KIF16B: variants seen among roughly 807,000 people sequenced by gnomAD.
KIF16B encodes the protein kinesin-like protein KIF16B.
Under a neutral mutation model 156.3 loss-of-function variants are expected in KIF16B, and 98 were observed. The ratio of observed to expected loss-of-function variants is 0.63; its 90% CI spans 0.53 to 0.74. KIF16B has a LOEUF of 0.74. KIF16B is among the 30% of genes least tolerant of loss of function. The pLI is 0.00. For synonymous variants in KIF16B, 564 were observed against 583.7 expected (o/e 0.97, Z 0.49); for missense variants, 1,421 against 1,606.5 (o/e 0.88, Z 1.97).
rs181743010 is a variant in KIF16B at position 16,273,388 on chromosome 20, G to T, written c.3819C>A (p.Ser1273Arg). The T allele has an allele frequency of 1.2e-6, 2 of 1,613,948 alleles. No homozygotes were observed. The highest frequency in any genetic ancestry group is 4.5e-5 in the East Asian group (2 of 44,878). ...HLEKYLRDFF[S>R]VMLQSATSPL... ...GAGATGTTGCGGACTGGAGCATCAC[G>T]CTGAAAAAGTCCCTGAGGTATTTCT... The change falls in exon 26 of 26, where the codon AGC becomes AGA. Residue 1273 changes from serine (S) to arginine (R), a missense_variant. By Grantham distance (110) the Ser-to-Arg change is moderately radical. Transcript: ENST00000354981.
At chr20:16,558,405 C>T (rs1202642417) in intron 1 of KIF16B, among the ~76,000 whole-genome samples, 2 of 152,206 alleles carry the variant, frequency 1.3e-5, no homozygotes, top group South Asian at 4.1e-4. Flanking sequence ...CTCTCCCACA[C>T]CAAAGCAGCC....
rs138842582 is a variant in KIF16B at position 16,557,325 on chromosome 20, G to A, written c.47+15904C>T. ...TCTCCAACTAGCTGAGATTACAGGC[G>A]CCTGCTACTACGCCCGGCTAATTTT... On this transcript the variant is annotated intron_variant, in intron 1 of 25. Coordinates refer to ENST00000354981, the MANE Select transcript of KIF16B (RefSeq NM_024704.5). Among the ~76,000 whole-genome samples, 226 of 151,948 alleles carry A rather than the reference G, an allele frequency of 1.5e-3. 5 individuals carry two copies. The South Asian group carries it at 0.031, about 21-fold the overall frequency.
chr20:16,297,141 G>A (rs945957205), intron 25 of KIF16B, among the ~76,000 whole-genome samples: 22 of 152,136 alleles, frequency 1.4e-4, no homozygotes, highest in African/African-American at 5.1e-4. Flanking sequence ...CTACACCATC[G>A]GCTTTCCTGG....
intron 12 of KIF16B, among the ~76,000 whole-genome samples, chr20:16,446,108 A>G (rs1304623673): frequency 6.6e-6 from 1 of 152,226 alleles, no homozygotes; most frequent in African/African-American, 2.4e-5. Flanking sequence ...AAAAAGTGTA[A>G]GAGCCAGAAA....
chr20:16,276,356 G>T (rs761632593), intron 25 of KIF16B, among the ~76,000 whole-genome samples: 5 of 152,192 alleles, frequency 3.3e-5, no homozygotes, highest in Non-Finnish European at 7.3e-5. Flanking sequence ...CATAAGAAGA[G>T]AACAATACAA....
At chr20:16,431,729 C>A (rs2066505060) in intron 12 of KIF16B, among the ~76,000 whole-genome samples, 1 of 151,910 alleles carries the variant, frequency 6.6e-6, no homozygotes, top group Admixed American at 6.6e-5. Flanking sequence ...TTGCCCTAGA[C>A]ACATATATAA....
intron 12 of KIF16B, among the ~76,000 whole-genome samples, chr20:16,452,146 T>A (rs2146609582): frequency 6.6e-6 from 1 of 152,162 alleles, no homozygotes; most frequent in East Asian, 1.9e-4. Context: ...GGAACTGCTC[T>A]GAGAGGATCT....
intron 3 of KIF16B, among the ~76,000 whole-genome samples, chr20:16,522,108 A>T (rs1000151505): frequency 2.0e-5 from 3 of 152,226 alleles, no homozygotes; most frequent in Admixed American, 6.5e-5. Flanking sequence ...AAGAAACTGC[A>T]TCAACTAATG....
intron 22 of KIF16B, among the ~76,000 whole-genome samples, chr20:16,364,579 T>C (rs1293890249): frequency 6.6e-6 from 1 of 152,186 alleles, no homozygotes; most frequent in African/African-American, 2.4e-5. Context: ...AGGGAGCTAC[T>C]AGGATTGAAA....
chr20:16,293,416 T>C (rs755552312), intron 25 of KIF16B, among the ~76,000 whole-genome samples: 3 of 152,202 alleles, frequency 2.0e-5, no homozygotes, highest in South Asian at 2.1e-4. Flanking sequence ...CCTTTGAAAT[T>C]CTGAATGAAA....
At chr20:16,434,932 C>G (rs1461917890) in intron 12 of KIF16B, among the ~76,000 whole-genome samples, 1 of 151,636 alleles carries the variant, frequency 6.6e-6, no homozygotes, top group Non-Finnish European at 1.5e-5. Flanking sequence ...GGGCTTAGAG[C>G]ACATGCCCAG....
chr20:16,406,716 A>C (rs1011145419), intron 15 of KIF16B, among the ~76,000 whole-genome samples: 3 of 152,202 alleles, frequency 2.0e-5, no homozygotes, highest in Admixed American at 1.3e-4. Context: ...TAAGCATTAC[A>C]ACATATTATG....
intron 25 of KIF16B, among the ~76,000 whole-genome samples, chr20:16,285,526 T>C (rs1465103502): frequency 2.0e-5 from 3 of 152,266 alleles, no homozygotes; most frequent in African/African-American, 4.8e-5. Flanking sequence ...AGTACAAATA[T>C]AGACACCCAG....
chr20:16,393,496 G>A (rs2065420326), intron 17 of KIF16B, among the ~76,000 whole-genome samples: 1 of 152,216 alleles, frequency 6.6e-6, no homozygotes, highest in South Asian at 2.1e-4. Flanking sequence ...TTGGAAGCCA[G>A]CCATTGCAGG....
intron 12 of KIF16B, among the ~76,000 whole-genome samples, chr20:16,479,009 C>T (rs2067899855): frequency 1.3e-5 from 2 of 152,170 alleles, no homozygotes; most frequent in African/African-American, 4.8e-5. Flanking sequence ...TAAGAAGATT[C>T]ATGGCAGCAC....
chr20:16,431,586 C>T (rs895792678), intron 12 of KIF16B, among the ~76,000 whole-genome samples: 1 of 152,112 alleles, frequency 6.6e-6, no homozygotes, highest in East Asian at 1.9e-4. Context: ...ACAGTTGTCA[C>T]TTCAGACCAG....
chr20:16,386,584 T>G (rs1440712391), intron 17 of KIF16B, among the ~76,000 whole-genome samples: 2 of 151,744 alleles, frequency 1.3e-5, no homozygotes, highest in African/African-American at 4.8e-5. Flanking sequence ...GGTGCTCATT[T>G]TAACAGATGA....
chr20:16,538,784 C>G (rs1255514168), intron 1 of KIF16B, among the ~76,000 whole-genome samples: 2 of 152,056 alleles, frequency 1.3e-5, no homozygotes, highest in Non-Finnish European at 2.9e-5. Flanking sequence ...GGTGGTGTGG[C>G]CTGGTGGGAG....
At chr20:16,521,839 G>T (rs370385712) in intron 3 of KIF16B, among the ~76,000 whole-genome samples, 1 of 152,148 alleles carries the variant, frequency 6.6e-6, no homozygotes, top group Non-Finnish European at 1.5e-5. Flanking sequence ...GAAACCCTAC[G>T]TGCCAGAAGA....
Sources: allele counts gnomAD v4.1 joint callset (sites outside exome capture counted in the v4.1 genomes callset), GRCh38; gene constraint gnomAD v4.1.1; transcripts MANE v1.5; gene names NCBI Gene and HGNC (gene_info 2026-07-23, HGNC 2026-07-21).